PDE4DIP: variants seen among roughly 807,000 people sequenced by gnomAD.
PDE4DIP encodes phosphodiesterase 4D interacting protein.
In PDE4DIP, 59 loss-of-function variants were observed where a neutral mutation model predicts 221.4. The observed-to-expected ratio is 0.27, with a 90% CI of 0.22 to 0.33. The LOEUF is 0.33. Ranked by LOEUF, PDE4DIP falls within the 10% of genes least tolerant of loss-of-function variation. The pLI is 1.00. For missense variants in PDE4DIP, 1,036 were observed against 2,154.2 expected (o/e 0.48, Z 10.28); for synonymous variants, 404 against 815.9 (o/e 0.50, Z 8.60).
chr1:148,999,235 G>A (rs1308277499), intron 23 of PDE4DIP: 2 of 150,022 alleles, frequency 1.3e-5, no homozygotes, highest in Non-Finnish European at 3.0e-5. Context: ...TGGAGAACAT[G>A]CTGATACTGT....
intron 20 of PDE4DIP, among the ~76,000 whole-genome samples, 165 bp from the exon 24 acceptor site, chr1:148,981,105 C>T (rs1394757570): frequency 6.6e-6 from 1 of 152,150 alleles, no homozygotes; most frequent in Non-Finnish European, 1.5e-5. Flanking sequence ...CAGCAGTGAA[C>T]ACAAATGCCA....
rs1433142958 is a variant in PDE4DIP, at chr1:149,023,796, G to A, written c.6086-649G>A. ...TATGTGTGTACATATATATGTACAT[G>A]TATATGTGTGCACATATATATGTAC... On this transcript the variant is annotated intron_variant, in intron 37 of 43. Transcript: ENST00000369354. 7.4e-5 allele frequency among the ~76,000 whole-genome samples: 10 copies of A among 135,358 alleles called. 1 individual carries two copies. The highest frequency in any genetic ancestry group is 2.8e-4 in the East Asian group (1 of 3,552). 88.8% of individuals were successfully genotyped at this position (135,358 alleles called of 152,430 possible).
At chr1:148,930,015 A>G (rs1439745889) in intron 2 of PDE4DIP, 1 of 151,712 alleles carries the variant, frequency 6.6e-6, no homozygotes, top group African/African-American at 2.4e-5. Flanking sequence ...TATTTATAGT[A>G]TACTGAGGAA....
intron 1 of PDE4DIP, among the ~76,000 whole-genome samples, chr1:148,820,725 T>C (rs1553359958): frequency 7.8e-6 from 1 of 128,094 alleles, no homozygotes; most frequent in South Asian, 2.5e-4. Context: ...GGGGGGGGGG[T>C]GGCTAGAATT....
chr1:148,981,191 A>T (rs2061018157), intron 20 of PDE4DIP, 79 bp from the exon 24 acceptor site: 1 of 1,371,206 alleles, frequency 7.3e-7, no homozygotes, highest in Admixed American at 1.7e-5. Flanking sequence ...AGTGGTATTG[A>T]TGGTTCTTTG....
At chr1:148,979,567 A>T (rs1423896193) in intron 19 of PDE4DIP, among the ~76,000 whole-genome samples, 170 bp from the exon 23 acceptor site, 3 of 151,942 alleles carry the variant, frequency 2.0e-5, no homozygotes, top group Non-Finnish European at 4.4e-5. Context: ...TTTTAAAGAT[A>T]AAAAAAAGAT....
chr1:148,968,971 C>A (rs1417097318), exon 14 of PDE4DIP: 42 of 1,611,234 alleles, frequency 2.6e-5, no homozygotes, highest in Non-Finnish European at 3.5e-5. Flanking sequence ...AGTGCTGGAA[C>A]ATGAAATGGA....
At chr1:148,975,606 A>T (rs1249430050) in intron 17 of PDE4DIP, among the ~76,000 whole-genome samples, 8 of 152,130 alleles carry the variant, frequency 5.3e-5, no homozygotes, top group African/African-American at 1.9e-4. Flanking sequence ...AGTTCTCTTC[A>T]ATTTTTTTTG....
At chr1:148,941,874 GT>G in intron 5 of PDE4DIP, 1 of 150,456 alleles carries the variant, frequency 6.6e-6, no homozygotes, top group Non-Finnish European at 1.5e-5. Flanking sequence ...CCCTTACAAT[GT>G]GGAAGGTAAA....
intron 1 of PDE4DIP, among the ~76,000 whole-genome samples, chr1:148,830,297 C>T (rs1415720273): frequency 4.1e-5 from 1 of 24,490 alleles, no homozygotes; most frequent in Non-Finnish European, 7.5e-5. Flanking sequence ...TGCTCCTGGT[C>T]CTGATTTTGG....
At chr1:148,979,244 C>T (rs1275926602) in intron 19 of PDE4DIP, among the ~76,000 whole-genome samples, 1 of 152,204 alleles carries the variant, frequency 6.6e-6, no homozygotes, top group African/African-American at 2.4e-5. Context: ...GTTGATTATA[C>T]ATTGTCATAG....
rs1553460092 is a variant in PDE4DIP, at chr1:148,918,651, A to ACACACACACG, written c.142-10539_142-10538insACGCACACAC. Reference sequence around the variant, plus strand: ...CACACACACACACACACACACACACACACACACCCTAGCTGTGTCTATCCA... The same window carrying ACACACACACG: ...CACACACACACACACACACACACACACACACACACGCACACACCCTAGCTGTGTCTATCCA... On this transcript the variant is annotated intron_variant, in intron 1 of 43. Coordinates refer to ENST00000369354, the Ensembl canonical transcript of PDE4DIP. 4.0e-4 allele frequency among the ~76,000 whole-genome samples: 51 copies of ACACACACACG among 128,412 alleles called. 1 individual carries two copies. Among genetic ancestry groups the ACACACACACG allele is most frequent in the East Asian group, 2.1e-3 (9 of 4,358 alleles). 84.2% of individuals were successfully genotyped at this position (128,412 alleles called of 152,430 possible).
chr1:149,013,837 A>G (rs2069455317), intron 32 of PDE4DIP, among the ~76,000 whole-genome samples: 1 of 130,598 alleles, frequency 7.7e-6, no homozygotes, highest in African/African-American at 3.1e-5. Flanking sequence ...ACGCAGACTG[A>G]AGTGCAGTGG....
intron 18 of PDE4DIP, 26 bp from the exon 22 acceptor site, chr1:148,978,252 A>G: frequency 1.3e-6 from 2 of 1,565,836 alleles, no homozygotes; most frequent in Non-Finnish European, 1.7e-6. Flanking sequence ...CTATTTTCAC[A>G]TCCATACTTA....
At chr1:148,992,412 T>C (rs1372035625) in intron 22 of PDE4DIP, 82 of 1,444,734 alleles carry the variant, frequency 5.7e-5, no homozygotes, top group South Asian at 1.5e-4. Flanking sequence ...TCCAAGAAGA[T>C]TGGAATGCTT....
chr1:149,029,525 G>C (rs1350461949), intron 41 of PDE4DIP, among the ~76,000 whole-genome samples: 1 of 152,054 alleles, frequency 6.6e-6, no homozygotes, highest in Non-Finnish European at 1.5e-5. Context: ...TTTGATACCA[G>C]CCTGAGGCGA....
chr1:148,986,924 G>A (rs1303372549), intron 21 of PDE4DIP, among the ~76,000 whole-genome samples: 2 of 152,150 alleles, frequency 1.3e-5, no homozygotes, highest in African/African-American at 4.8e-5. Context: ...AGGTGCAGTG[G>A]TCATATCTCC....
intron 22 of PDE4DIP, among the ~76,000 whole-genome samples, chr1:148,995,475 G>A (rs1553563897): frequency 6.6e-6 from 1 of 151,796 alleles, no homozygotes; most frequent in Non-Finnish European, 1.5e-5. Flanking sequence ...GAAGCAATAG[G>A]GTAAAAGCAA....
chr1:148,905,159 A>G (rs1163118854), intron 1 of PDE4DIP, among the ~76,000 whole-genome samples: 1 of 128,248 alleles, frequency 7.8e-6, no homozygotes, highest in Non-Finnish European at 1.6e-5. Flanking sequence ...CTTTCCAGGA[A>G]TTTATCCATC....
Sources: gnomAD v4.1 joint callset for allele counts (sites outside exome capture counted in the v4.1 genomes callset) on GRCh38, gnomAD v4.1.1 for gene constraint, MANE v1.5 for transcripts, NCBI Gene and HGNC (gene_info 2026-07-23, HGNC 2026-07-21) for gene names.